The following XPO6 variants were observed in gnomAD, a reference collection of about 807,000 sequenced individuals.
The protein encoded by XPO6 is exportin-6.
XPO6 carries 3 observed loss-of-function variants against 130.0 expected under a neutral mutation model. That is an observed-to-expected ratio of 0.02 (90% CI 0.01 to 0.06). The LOEUF is 0.06. Ranked by LOEUF, XPO6 falls within the 10% of genes least tolerant of loss-of-function variation. XPO6 has a pLI of 1.00. For synonymous variants in XPO6, 524 were observed against 548.9 expected, an observed-to-expected ratio of 0.95 and a Z score of 0.63; for missense variants, 970 against 1,393.0, an observed-to-expected ratio of 0.70 and a Z score of 4.83.
chr16:28,128,523 CT>C (rs530703980), intron 12 of XPO6, among the ~76,000 whole-genome samples: 194 of 152,272 alleles, frequency 1.3e-3, no homozygotes, highest in Middle Eastern at 3.4e-3. Context: ...GAACAAGCTT[CT>C]TAAGTATTTT....
At position 28,111,817 on chromosome 16, in the gene XPO6, T is replaced by C; in HGVS notation, c.2341A>G (p.Thr781Ala). The change falls in exon 17 of 24, where the codon ACC (threonine) becomes GCC (alanine). Residue 781 changes from threonine to alanine, a missense_variant and splice_region_variant. This residue lies in a region of XPO6 where 936 missense variants were observed against 1,306.8 expected (regional missense o/e 0.72). Coordinates refer to ENST00000304658, the MANE Select transcript of XPO6 (RefSeq NM_015171.4). Reference sequence around the variant, plus strand: ...CTGTCCTAGCCTAGGGGTCACTTACTGTCATCCAGTGGCATCTTTCTCTGT... The same window carrying C: ...CTGTCCTAGCCTAGGGGTCACTTACCGTCATCCAGTGGCATCTTTCTCTGT... ...APQRKMPLDDTKLIIHQTLSV... is the reference protein window; with the variant it reads ...APQRKMPLDDAKLIIHQTLSV... 6.2e-7 allele frequency: 1 copy of C among 1,613,962 alleles called. No homozygotes were observed. The highest frequency in any genetic ancestry group is 8.5e-7 in the Non-Finnish European group (1 of 1,179,918).
chr16:28,180,556 G>C (rs1596943531), intron 2 of XPO6, among the ~76,000 whole-genome samples: 1 of 152,004 alleles, frequency 6.6e-6, no homozygotes. Flanking sequence ...AACCATCCAG[G>C]TGCAGTGGCT....
intron 10 of XPO6, 59 bp downstream of exon 10, chr16:28,135,157 A>G: frequency 7.0e-7 from 1 of 1,435,368 alleles, no homozygotes; most frequent in Non-Finnish European, 9.8e-7. Flanking sequence ...CCAGGTCCCC[A>G]TTCTGATTGA....
intron 1 of XPO6, among the ~76,000 whole-genome samples, chr16:28,197,739 A>AC (rs1383954718): frequency 6.6e-6 from 1 of 151,646 alleles, no homozygotes; most frequent in African/African-American, 2.4e-5. Flanking sequence ...ACATAGTGAA[A>AC]CCCCGTCTCT....
chr16:28,191,040 G>A (rs534368255), intron 1 of XPO6, among the ~76,000 whole-genome samples: 4 of 152,142 alleles, frequency 2.6e-5, no homozygotes, highest in African/African-American at 9.7e-5. Flanking sequence ...ACCATCCACT[G>A]GCCGGTACCC....
intron 12 of XPO6, among the ~76,000 whole-genome samples, chr16:28,131,950 T>A (rs1368228932): frequency 6.6e-6 from 1 of 152,212 alleles, no homozygotes; most frequent in Non-Finnish European, 1.5e-5. Flanking sequence ...CCACAGGCCA[T>A]CAGCTGCACT....
intron 10 of XPO6, among the ~76,000 whole-genome samples, 189 bp from the exon 11 acceptor site, chr16:28,134,122 C>T (rs534058045): frequency 2.0e-4 from 30 of 152,284 alleles, no homozygotes; most frequent in Non-Finnish European, 2.5e-4. Context: ...AAACTACTTC[C>T]TCAGAAAGTA....
At chr16:28,196,556 T>C (rs1174068748) in intron 1 of XPO6, among the ~76,000 whole-genome samples, 1 of 152,230 alleles carries the variant, frequency 6.6e-6, no homozygotes, top group Non-Finnish European at 1.5e-5. Flanking sequence ...GGTGACGTTT[T>C]ATGTTATGTG....
Position 28,106,780 on chromosome 16 carries a change from CAG to C in XPO6, c.2498-285_2498-284del, listed in dbSNP as rs1360191087. 6.6e-6 allele frequency among the ~76,000 whole-genome samples: 1 copy of C among 152,184 alleles called. No homozygotes were observed. Among genetic ancestry groups the C allele is most frequent in the African/African-American group, 2.4e-5 (1 of 41,440 alleles). On this transcript the variant is annotated intron_variant, in intron 18 of 23. Transcript: ENST00000304658. This position sits in a 1 kb window ranked among gnomAD's most constrained non-coding sequence, Gnocchi z 4.2. Reference sequence around the variant, plus strand: ...TCATTGCCCGACATCCAGTGATGGTCAGAGTTTCACTGGAGAGGGATCACTTT... The same window carrying C: ...TCATTGCCCGACATCCAGTGATGGTCAGTTTCACTGGAGAGGGATCACTTT...
rs954446384 is a variant in XPO6 at position 28,125,883 on chromosome 16, A to C, written c.1607-35T>G. The C allele has an allele frequency of 3.1e-6, 5 of 1,602,178 alleles. No individual in the cohort carries two copies. In the African/African-American group the frequency reaches 6.7e-5, roughly 21 times the overall value. ...AACACGCCAGACAGTTTTTCACAGG[A>C]AGACCACGCTTTAGATACTACAGAT... On this transcript the variant is annotated intron_variant, in intron 12 of 23. Transcript: ENST00000304658.
At chr16:28,129,166 G>A (rs2042618865) in intron 12 of XPO6, among the ~76,000 whole-genome samples, 1 of 152,200 alleles carries the variant, frequency 6.6e-6, no homozygotes, top group Non-Finnish European at 1.5e-5. Flanking sequence ...TAAGATCCAT[G>A]TTCATCAAAA....
intron 4 of XPO6, among the ~76,000 whole-genome samples, chr16:28,174,448 C>T (rs943851970): frequency 2.0e-5 from 3 of 152,162 alleles, no homozygotes; most frequent in African/African-American, 7.2e-5. Context: ...ATGCCCTCAT[C>T]CCCGCCCTGA....
chr16:28,172,331 G>A (rs908866721), intron 4 of XPO6, among the ~76,000 whole-genome samples: 1 of 152,186 alleles, frequency 6.6e-6, no homozygotes, highest in African/African-American at 2.4e-5. Context: ...AGCTCCTGCA[G>A]GTTGAAGAAC....
chr16:28,109,859 T>C (rs535747287), intron 17 of XPO6, among the ~76,000 whole-genome samples: 8 of 152,332 alleles, frequency 5.3e-5, no homozygotes, highest in Non-Finnish European at 7.3e-5. Context: ...TTGTTCTATA[T>C]AGATACAAAG....
chr16:28,112,573 A>C (rs972781185), intron 16 of XPO6, among the ~76,000 whole-genome samples: 1 of 152,266 alleles, frequency 6.6e-6, no homozygotes, highest in African/African-American at 2.4e-5. Context: ...CAGAACAGTG[A>C]CAACAAAAAC....
intron 14 of XPO6, 144 bp downstream of exon 14, chr16:28,121,524 ATC>A (rs1240113655): frequency 1.4e-5 from 10 of 694,060 alleles, no homozygotes; most frequent in African/African-American, 3.5e-5. Context: ...AGTCAAAAAA[ATC>A]TCTCTCTCTT....
intron 17 of XPO6, 150 bp from the exon 18 acceptor site, chr16:28,107,827 A>C (rs2141240061): frequency 1.1e-6 from 1 of 883,884 alleles, no homozygotes; most frequent in African/African-American, 1.7e-5. Flanking sequence ...ATTACAATAT[A>C]AATTCTCCTC....
At chr16:28,110,905 C>G (rs1392166822) in intron 17 of XPO6, among the ~76,000 whole-genome samples, 2 of 152,120 alleles carry the variant, frequency 1.3e-5, no homozygotes, top group African/African-American at 4.8e-5. Context: ...CACAGTATAC[C>G]CTCAATATGT....
At chr16:28,115,442 A>T (rs946816780) in intron 15 of XPO6, among the ~76,000 whole-genome samples, 1 of 152,226 alleles carries the variant, frequency 6.6e-6, no homozygotes, top group East Asian at 1.9e-4. Context: ...TGCATTGCCA[A>T]TCAGCAGATT....
Sources: allele counts gnomAD v4.1 joint callset (sites outside exome capture counted in the v4.1 genomes callset), GRCh38; gene constraint gnomAD v4.1.1; regional missense constraint gnomAD v4.1.1; non-coding constraint Gnocchi (gnomAD v3.1); transcripts MANE v1.5; gene names NCBI Gene and HGNC (gene_info 2026-07-23, HGNC 2026-07-21).